The following ARID1B variants were observed in gnomAD, a reference collection of about 807,000 sequenced individuals.
ARID1B encodes AT-rich interactive domain-containing protein 1B.
Under a neutral mutation model 212.3 loss-of-function variants are expected in ARID1B, and 30 were observed. The observed-to-expected ratio is 0.14, with a 90% CI of 0.11 to 0.19. ARID1B has a LOEUF of 0.19. Ranked by LOEUF, ARID1B falls within the 10% of genes least tolerant of loss-of-function variation. The probability of loss-of-function intolerance (pLI) is 1.00; values close to 1 mark genes in which losing one functional copy is unlikely to be tolerated. For missense variants in ARID1B, 2,891 were observed against 3,204.0 expected (o/e 0.90, Z 2.36); for synonymous variants, 1,402 against 1,301.7 (o/e 1.08, Z -1.66).
chr6:157,115,144 G>C (rs1469386483), intron 6 of ARID1B, among the ~76,000 whole-genome samples: 1 of 152,120 alleles, frequency 6.6e-6, no homozygotes, highest in Non-Finnish European at 1.5e-5. Flanking sequence ...TTATCTGGTG[G>C]TTTTGGTATT....
At chr6:157,027,920 AT>A (rs1457561492) in intron 4 of ARID1B, among the ~76,000 whole-genome samples, 1 of 152,160 alleles carries the variant, frequency 6.6e-6, no homozygotes, top group Non-Finnish European at 1.5e-5. Context: ...ACTTCCGTTG[AT>A]TTATCCAGGT....
chr6:156,987,837 G>C (rs1269820428), intron 4 of ARID1B, among the ~76,000 whole-genome samples: 1 of 152,152 alleles, frequency 6.6e-6, no homozygotes, highest in Non-Finnish European at 1.5e-5. Context: ...CTCGAATCTA[G>C]AATCGTGGCC....
intron 4 of ARID1B, among the ~76,000 whole-genome samples, chr6:157,074,507 G>A (rs763031958): frequency 2.0e-5 from 3 of 152,218 alleles, no homozygotes; most frequent in South Asian, 2.1e-4. Context: ...TTACAGGCAT[G>A]AGACACCATG....
intron 4 of ARID1B, among the ~76,000 whole-genome samples, chr6:157,048,640 T>A (rs1206416923): frequency 1.3e-5 from 2 of 152,224 alleles, no homozygotes; most frequent in Non-Finnish European, 2.9e-5. Context: ...CTGACAGAAT[T>A]GTGGTTGAAA....
At chr6:156,976,752 A>G (rs929713722) in intron 4 of ARID1B, 1 of 513,804 alleles carries the variant, frequency 1.9e-6, no homozygotes, top group Non-Finnish European at 3.8e-6. Context: ...GAAGGTCCGC[A>G]GCTTCATTCA....
At chr6:157,067,491 G>A (rs983486839) in intron 4 of ARID1B, among the ~76,000 whole-genome samples, 11 of 152,188 alleles carry the variant, frequency 7.2e-5, no homozygotes, top group African/African-American at 1.4e-4. Context: ...GTGGTTTTAC[G>A]GGGCTGCATC....
At chr6:156,866,498 G>C (rs1291834902) in intron 2 of ARID1B, among the ~76,000 whole-genome samples, 1 of 152,158 alleles carries the variant, frequency 6.6e-6, no homozygotes, top group Non-Finnish European at 1.5e-5. Flanking sequence ...ATTTTTGGCT[G>C]TTTTTGTTCC....
chr6:156,818,764 G>T (rs755868869), intron 1 of ARID1B, among the ~76,000 whole-genome samples: 6 of 152,106 alleles, frequency 3.9e-5, no homozygotes, highest in Non-Finnish European at 7.4e-5. Flanking sequence ...ACAACTGCCC[G>T]CAACTCTGCA....
At chr6:157,147,065 T>C (rs1583399970) in intron 7 of ARID1B, among the ~76,000 whole-genome samples, 1 of 152,216 alleles carries the variant, frequency 6.6e-6, no homozygotes, top group Admixed American at 6.5e-5. Context: ...CTTAACCAAG[T>C]GCCCAGCACA....
In ARID1B at chr6:156,938,553, C is replaced by T. The variant is rs183960039; in HGVS notation, c.2247+2977C>T. ...TATCTGTACCATTTATGAAATGCAA[C>T]ATAGTGATTCTAATGTGTAATTATT... On this transcript the variant is annotated intron_variant, in intron 4 of 19. Coordinates refer to ENST00000636930, the MANE Select transcript of ARID1B (RefSeq NM_001374828.1). 2.6e-5 allele frequency: 4 copies of T among 152,270 alleles called. No homozygotes were observed. The East Asian group carries it at 5.8e-4, about 22-fold the overall frequency. 9.4% of individuals were successfully genotyped at this position (152,270 alleles called of 1,614,324 possible).
At chr6:157,146,106 C>T (rs759168570) in intron 7 of ARID1B, among the ~76,000 whole-genome samples, 1 of 152,144 alleles carries the variant, frequency 6.6e-6, no homozygotes, top group Non-Finnish European at 1.5e-5. Context: ...CACACAGCGC[C>T]CCAGTGGCTG....
chr6:156,882,212 G>C (rs1392870572), intron 2 of ARID1B, among the ~76,000 whole-genome samples: 1 of 152,012 alleles, frequency 6.6e-6, no homozygotes, highest in Admixed American at 6.6e-5. Flanking sequence ...TCTCAGCCTT[G>C]GTCCCGGTGG....
intron 4 of ARID1B, among the ~76,000 whole-genome samples, chr6:156,998,477 C>T (rs1778727131): frequency 6.6e-6 from 1 of 152,208 alleles, no homozygotes; most frequent in Non-Finnish European, 1.5e-5. Context: ...CCCGCCTCGG[C>T]CTCCCAAAGT....
chr6:156,905,250 G>GCGCGCGCACACACACACACA (rs1554265935), intron 3 of ARID1B, among the ~76,000 whole-genome samples: 12 of 143,730 alleles, frequency 8.3e-5, no homozygotes, highest in African/African-American at 3.1e-4. Context: ...ACATATGCAC[G>GCGCGCGCACACACACACACA]CACACACACA....
chr6:157,177,848 C>T (rs575256828), intron 11 of ARID1B, among the ~76,000 whole-genome samples: 1 of 152,250 alleles, frequency 6.6e-6, no homozygotes, highest in East Asian at 1.9e-4. Context: ...GAAAAGTGAA[C>T]CCGTCTTTCC....
intron 4 of ARID1B, 134 bp from the exon 5 acceptor site, chr6:157,084,528 A>C (rs890265172): frequency 8.8e-7 from 1 of 1,140,632 alleles, no homozygotes; most frequent in African/African-American, 1.6e-5. Flanking sequence ...AAAAGTGGCC[A>C]TGCTTTTTTA....
At chr6:157,010,302 TTTGTTG>T (rs1448473162) in intron 4 of ARID1B, among the ~76,000 whole-genome samples, 3 of 120,856 alleles carry the variant, frequency 2.5e-5, no homozygotes, top group African/African-American at 9.7e-5. Flanking sequence ...TTTTTTTTTT[TTTGTTG>T]TTGTTGTTGT....
intron 3 of ARID1B, among the ~76,000 whole-genome samples, chr6:156,913,190 T>G (rs1200638945): frequency 6.6e-6 from 1 of 151,292 alleles, no homozygotes; most frequent in Admixed American, 6.6e-5. Context: ...TAGGAACGCT[T>G]TACATCCACT....
At chr6:156,947,212 T>C (rs1387479093) in intron 4 of ARID1B, among the ~76,000 whole-genome samples, 1 of 152,216 alleles carries the variant, frequency 6.6e-6, no homozygotes. Flanking sequence ...TAAATTTCTA[T>C]CCAAATAGGT....
Sources: allele counts gnomAD v4.1 joint callset (sites outside exome capture counted in the v4.1 genomes callset), GRCh38; gene constraint gnomAD v4.1.1; transcripts MANE v1.5; gene names NCBI Gene and HGNC (gene_info 2026-07-23, HGNC 2026-07-21).